TTC23L: variants seen among roughly 807,000 people sequenced by gnomAD.
The protein encoded by TTC23L is tetratricopeptide repeat protein 23-like.
In TTC23L, 42 loss-of-function variants were observed where a neutral mutation model predicts 48.1. The ratio of observed to expected loss-of-function variants is 0.87; its 90% CI spans 0.68 to 1.13. The LOEUF is 1.13. Among genes scored for constraint, TTC23L ranks in the 50% most tolerant of loss-of-function variants. The pLI is 0.00. For synonymous variants in TTC23L, 159 were observed against 157.2 expected (o/e 1.01, Z -0.09); for missense variants, 391 against 421.0 (o/e 0.93, Z 0.62).
chr5:34,879,601 A>C (rs1276909166), intron 8 of TTC23L, among the ~76,000 whole-genome samples: 3 of 152,226 alleles, frequency 2.0e-5, no homozygotes, highest in African/African-American at 7.2e-5. Context: ...TTGTAGTATT[A>C]GCATAATAAG....
At chr5:34,893,797 G>GA (rs1468868736) in intron 9 of TTC23L, among the ~76,000 whole-genome samples, 3 of 102,138 alleles carry the variant, frequency 2.9e-5, no homozygotes, top group Non-Finnish European at 6.5e-5. Flanking sequence ...GGAGAGTCAG[G>GA]AAAAAATAGG....
chr5:34,899,606 C>T (rs1256532770), downstream of TTC23L: 1 of 152,380 alleles, frequency 6.6e-6, no homozygotes, highest in Non-Finnish European at 1.5e-5. Flanking sequence ...AAACTAGGAT[C>T]CTGGCTGGGC....
At chr5:34,857,802 T>TTTCAAGTCATAAGGATG (rs1760249629) in intron 4 of TTC23L, among the ~76,000 whole-genome samples, 1 of 152,200 alleles carries the variant, frequency 6.6e-6, no homozygotes, top group Non-Finnish European at 1.5e-5. Context: ...AAAGTAACTT[T>TTTCAAGTCATAAGGATG]TTCAAGTCAT....
chr5:34,908,975 T>C, the TTC23L span: 1 of 1,570,524 alleles, frequency 6.4e-7, no homozygotes, highest in Non-Finnish European at 8.7e-7. Context: ...AAAACGCTGT[T>C]ATATCAACAC....
In TTC23L at chr5:34,863,545, A is replaced by AT. The variant is rs1760832845; in HGVS notation, c.536+496dup. On this transcript the variant is annotated intron_variant, in intron 5 of 10. Transcript: ENST00000505624. This position sits in a 1 kb window ranked among gnomAD's most constrained non-coding sequence, Gnocchi z 4.1. Reference sequence around the variant, plus strand: ...CTCTGAGGTACATCTGTTCATTGAAATTTTTAAAAGCCCTCCAGAGATTGT... The same window carrying AT: ...CTCTGAGGTACATCTGTTCATTGAAATTTTTTAAAAGCCCTCCAGAGATTGT... Among the ~76,000 whole-genome samples the AT allele has an allele frequency of 6.6e-6, 1 of 152,192 alleles. No homozygotes were observed. Among genetic ancestry groups the AT allele is most frequent in the Non-Finnish European group, 1.5e-5 (1 of 68,036 alleles).
At chr5:34,869,915 T>C (rs908839301) in intron 8 of TTC23L, 5 of 152,192 alleles carry the variant, frequency 3.3e-5, no homozygotes, top group African/African-American at 9.6e-5. Flanking sequence ...TCTTTGTTTT[T>C]CAGCTAATCC....
the TTC23L span, chr5:34,915,253 C>T: frequency 6.6e-6 from 2 of 302,048 alleles, no homozygotes; most frequent in Non-Finnish European, 6.2e-6. Flanking sequence ...CGGTTTTGTG[C>T]AGCCCGCGCC....
chr5:34,849,875 G>T (rs533539018), intron 3 of TTC23L, among the ~76,000 whole-genome samples: 139 of 152,252 alleles, frequency 9.1e-4, no homozygotes, highest in African/African-American at 3.3e-3. Context: ...AGTCACTCTG[G>T]CTATTATGTA....
chr5:34,844,607 GGAAAA>G (rs954234469), intron 2 of TTC23L, among the ~76,000 whole-genome samples: 10 of 151,950 alleles, frequency 6.6e-5, no homozygotes, highest in African/African-American at 1.9e-4. Flanking sequence ...AGCAATCAGT[GGAAAA>G]GAAAAGTAAA....
In TTC23L at chr5:34,845,617, A is replaced by G. The variant is rs6866035; in HGVS notation, c.199A>G (p.Lys67Glu). ...GGCCATAGACTGTATGTCTCATCCC[A>G]AAGAGAAATTAGCCCAATCCCAGAA... The change falls in exon 3 of 11, where the codon AAA (lysine) becomes GAA (glutamate). Residue 67 changes from lysine to glutamate, a missense_variant. By Grantham distance (56) the Lys-to-Glu change is moderately conservative (BLOSUM62 1). Coordinates refer to ENST00000505624, the Ensembl canonical transcript of TTC23L. 1.7e-3 allele frequency: 2,768 copies of G among 1,613,926 alleles called. 37 individuals carry two copies. The African/African-American group carries it at 0.033, about 19-fold the overall frequency.
At chr5:34,903,220 T>G (rs1402198043), downstream of TTC23L, among the ~76,000 whole-genome samples, 1 of 152,198 alleles carries the variant, frequency 6.6e-6, no homozygotes, top group Non-Finnish European at 1.5e-5. Context: ...TATTAAAATG[T>G]TTTATAAAAT....
exon 3 of TTC23L, chr5:34,845,550 T>C (rs369918087): frequency 6.2e-7 from 1 of 1,613,420 alleles, no homozygotes; most frequent in Non-Finnish European, 8.5e-7. Context: ...CTGGTGGGTG[T>C]GGAGAGAGTG....
intron 4 of TTC23L, among the ~76,000 whole-genome samples, chr5:34,851,947 G>C (rs1029189645): frequency 2.6e-5 from 4 of 152,190 alleles, no homozygotes. Context: ...CAGTTCAGTG[G>C]TATTGCCATT....
At chr5:34,915,464 T>C in the TTC23L span, 2 of 379,054 alleles carry the variant, frequency 5.3e-6, no homozygotes, top group East Asian at 4.9e-5. Context: ...GCAAAGTCCC[T>C]GAAGAGGAGC....
chr5:34,917,034 C>G, the TTC23L span, among the ~76,000 whole-genome samples: 2 of 151,832 alleles, frequency 1.3e-5, no homozygotes, highest in African/African-American at 4.8e-5. Context: ...TATTTTTACC[C>G]TAGTATAATA....
chr5:34,885,748 A>G (rs899791464), intron 9 of TTC23L, among the ~76,000 whole-genome samples: 2 of 151,616 alleles, frequency 1.3e-5, no homozygotes, highest in South Asian at 4.2e-4. Context: ...CCCTGTCTAA[A>G]AAAAAAAGAA....
chr5:34,900,945 T>C (rs1486457770), downstream of TTC23L, among the ~76,000 whole-genome samples: 1 of 152,238 alleles, frequency 6.6e-6, no homozygotes, highest in Admixed American at 6.5e-5. Context: ...ATGATTGCAG[T>C]ACAGTACGTA....
At chr5:34,889,064 G>A (rs1762700381) in intron 9 of TTC23L, among the ~76,000 whole-genome samples, 1 of 152,052 alleles carries the variant, frequency 6.6e-6, no homozygotes, top group Non-Finnish European at 1.5e-5. Context: ...TAACCTTGAC[G>A]TTATCAATGA....
intron 3 of TTC23L, among the ~76,000 whole-genome samples, chr5:34,846,665 G>GT (rs34438554): frequency 0.19 from 19,245 of 99,314 alleles, 1,714 homozygotes; most frequent in South Asian, 0.39. Context: ...ATATATGTGT[G>GT]TATGTGTGTG....
Sources: allele counts gnomAD v4.1 joint callset (sites outside exome capture counted in the v4.1 genomes callset), GRCh38; gene constraint gnomAD v4.1.1; non-coding constraint Gnocchi (gnomAD v3.1); transcripts MANE v1.5; gene names NCBI Gene and HGNC (gene_info 2026-07-23, HGNC 2026-07-21).